Variants in LRRC37A2 observed in about 807,000 individuals in gnomAD.
LRRC37A2 encodes leucine rich repeat containing 37 member A2.
LRRC37A2 carries 9 observed loss-of-function variants against 68.8 expected under a neutral mutation model. That is an observed-to-expected ratio of 0.13 (90% CI 0.08 to 0.23). The LOEUF (loss-of-function observed/expected upper bound fraction) is 0.23. Among genes scored for constraint, LRRC37A2 ranks in the 10% least tolerant of loss-of-function variants. The pLI is 1.00. For missense variants in LRRC37A2, 168 were observed against 950.4 expected (o/e 0.18, Z 10.82); for synonymous variants, 63 against 367.6 (o/e 0.17, Z 9.48).
the LRRC37A2 span, among the ~76,000 whole-genome samples, chr17:46,913,552 G>A: frequency 6.6e-6 from 1 of 152,194 alleles, no homozygotes; most frequent in African/African-American, 2.4e-5. Flanking sequence ...TTGAAGCACA[G>A]GGAACAGTGC....
the LRRC37A2 span, among the ~76,000 whole-genome samples, chr17:46,811,827 C>T: frequency 2.0e-5 from 3 of 152,134 alleles, no homozygotes; most frequent in South Asian, 2.1e-4. Context: ...CATCCTGGTG[C>T]GCACCTGTAA....
At chr17:46,753,768 G>A in the LRRC37A2 span, among the ~76,000 whole-genome samples, 1 of 152,140 alleles carries the variant, frequency 6.6e-6, no homozygotes, top group Admixed American at 6.5e-5. Context: ...GATCTTCAGC[G>A]ACTGACATTT....
chr17:46,940,390 G>A, the LRRC37A2 span: 8 of 1,548,260 alleles, frequency 5.2e-6, no homozygotes, highest in Non-Finnish European at 6.1e-6. Flanking sequence ...GGTGGACTGG[G>A]GGGTTGCAGC....
At chr17:46,823,111 A>AATAAATATG in the LRRC37A2 span, among the ~76,000 whole-genome samples, 29 of 96,142 alleles carry the variant, frequency 3.0e-4, 5 homozygotes, top group East Asian at 1.1e-3. Context: ...ATAAACACAT[A>AATAAATATG]TATTATATAT....
chr17:46,958,626 CAG>C, the LRRC37A2 span, among the ~76,000 whole-genome samples: 4 of 152,228 alleles, frequency 2.6e-5, no homozygotes, highest in South Asian at 2.1e-4. Context: ...TGTGCCAGCT[CAG>C]GGGAGGGGGC....
the LRRC37A2 span, among the ~76,000 whole-genome samples, chr17:47,027,133 A>G: frequency 2.0e-5 from 3 of 152,074 alleles, no homozygotes; most frequent in Non-Finnish European, 4.4e-5. Context: ...GGATGGTCTC[A>G]ATATCCTGAC....
At chr17:46,558,985 T>C (rs2057461484), downstream of LRRC37A2, 1 of 100,476 alleles carries the variant, frequency 1.0e-5, no homozygotes, top group Admixed American at 1.0e-4. Context: ...GCAAAGCCTA[T>C]ATTAAACCCT....
the LRRC37A2 span, among the ~76,000 whole-genome samples, chr17:46,882,549 C>T: frequency 6.6e-6 from 1 of 152,098 alleles, no homozygotes; most frequent in African/African-American, 2.4e-5. Context: ...GATTCTCCTG[C>T]CTCAGCCTCT....
chr17:46,985,592 C>T, the LRRC37A2 span, among the ~76,000 whole-genome samples: 1 of 151,600 alleles, frequency 6.6e-6, no homozygotes, highest in African/African-American at 2.4e-5. Flanking sequence ...AGACAGGGAG[C>T]AGTGCCTGGC....
At chr17:46,835,631 G>A in the LRRC37A2 span, among the ~76,000 whole-genome samples, 2 of 152,212 alleles carry the variant, frequency 1.3e-5, no homozygotes, top group African/African-American at 2.4e-5. Flanking sequence ...TCTCATCAGT[G>A]TAGTCATTCC....
At chr17:46,547,131 A>T in intron 9 of LRRC37A2, 1 of 41,318 alleles carries the variant, frequency 2.4e-5, no homozygotes, top group South Asian at 1.2e-3. Flanking sequence ...GGTTACATAA[A>T]GTCAGTGTTG....
At chr17:46,940,041 C>T in the LRRC37A2 span, 2 of 1,059,328 alleles carry the variant, frequency 1.9e-6, no homozygotes, top group African/African-American at 3.3e-5. Context: ...GTTGTCCTGC[C>T]CTACCTGCTC....
At chr17:46,982,086 G>A in the LRRC37A2 span, among the ~76,000 whole-genome samples, 1 of 152,110 alleles carries the variant, frequency 6.6e-6, no homozygotes, top group African/African-American at 2.4e-5. Flanking sequence ...CCTCAGTCCT[G>A]GGAAAGCTGG....
At chr17:46,489,087 T>C in the LRRC37A2 span, among the ~76,000 whole-genome samples, 1 of 85,418 alleles carries the variant, frequency 1.2e-5, no homozygotes, top group Non-Finnish European at 2.5e-5. Flanking sequence ...GTGAAACATA[T>C]CCTCTTGTTC....
At chr17:46,783,260 G>T in the LRRC37A2 span, among the ~76,000 whole-genome samples, 1 of 152,198 alleles carries the variant, frequency 6.6e-6, no homozygotes, top group African/African-American at 2.4e-5. Context: ...AAGCCCAGTG[G>T]GCTCCTGTCT....
At chr17:46,382,126 A>G in the LRRC37A2 span, among the ~76,000 whole-genome samples, 3 of 147,660 alleles carry the variant, frequency 2.0e-5, no homozygotes, top group East Asian at 5.9e-4. Context: ...TAAAAATACA[A>G]AATTAGCCGG....
chr17:46,936,570 C>T, the LRRC37A2 span: 1 of 985,374 alleles, frequency 1.0e-6, no homozygotes, highest in Non-Finnish European at 1.2e-6. Context: ...TCAAAAGGAA[C>T]ATAGGAGAGG....
chr17:47,043,229 A>G, the LRRC37A2 span, among the ~76,000 whole-genome samples: 1 of 152,096 alleles, frequency 6.6e-6, no homozygotes, highest in Non-Finnish European at 1.5e-5. Flanking sequence ...ATTTTGGAAT[A>G]AAAATTTGCA....
the LRRC37A2 span, chr17:46,763,831 CAAAAAA>C: frequency 1.5e-4 from 18 of 123,716 alleles, 1 homozygote; most frequent in African/African-American, 5.5e-4. Context: ...CCACTACCAC[CAAAAAA>C]AAAAAAAAAC....
Sources: allele counts gnomAD v4.1 joint callset (sites outside exome capture counted in the v4.1 genomes callset), GRCh38; gene constraint gnomAD v4.1.1; transcripts MANE v1.5; gene names NCBI Gene and HGNC (gene_info 2026-07-23, HGNC 2026-07-21).